LRRC49: variants seen among roughly 807,000 people sequenced by gnomAD.
The protein encoded by LRRC49 is leucine-rich repeat-containing protein 49.
Under a neutral mutation model 83.3 loss-of-function variants are expected in LRRC49, and 50 were observed. The ratio of observed to expected loss-of-function variants is 0.60; its 90% CI spans 0.48 to 0.76. LRRC49 has a LOEUF of 0.76. LRRC49 is among the 30% of genes least tolerant of loss of function. LRRC49 has a pLI of 0.00. For missense variants in LRRC49, 704 were observed against 809.1 expected (o/e 0.87, Z 1.58); for synonymous variants, 286 against 283.3 (o/e 1.01, Z -0.10).
At chr15:70,970,980 C>T (rs2036974712) in intron 9 of LRRC49, among the ~76,000 whole-genome samples, 1 of 151,846 alleles carries the variant, frequency 6.6e-6, no homozygotes, top group African/African-American at 2.4e-5. Context: ...GTTCTCTATC[C>T]CCTTCAGTTC....
intron 8 of LRRC49, among the ~76,000 whole-genome samples, chr15:70,940,551 A>AT (rs34146863): frequency 6.6e-6 from 1 of 152,112 alleles, no homozygotes; most frequent in African/African-American, 2.4e-5. Flanking sequence ...CTATATGGAT[A>AT]TTTTTTATGA....
intron 3 of LRRC49, among the ~76,000 whole-genome samples, chr15:70,896,910 G>A (rs913287790): frequency 6.6e-6 from 1 of 152,020 alleles, no homozygotes; most frequent in Non-Finnish European, 1.5e-5. Context: ...TGGACATGAC[G>A]TCAGCCTAAC....
intron 14 of LRRC49, among the ~76,000 whole-genome samples, chr15:71,035,020 C>A (rs1271013545): frequency 2.0e-5 from 3 of 151,984 alleles, no homozygotes; most frequent in Admixed American, 2.0e-4. Flanking sequence ...AGCTGCACAT[C>A]CTGCACAGGT....
intron 9 of LRRC49, among the ~76,000 whole-genome samples, chr15:70,977,091 G>T (rs748444235): frequency 6.6e-6 from 1 of 151,978 alleles, no homozygotes; most frequent in Non-Finnish European, 1.5e-5. Context: ...TTTGAAATTG[G>T]CTCTTTGAAA....
At chr15:70,962,760 A>T (rs1236373951) in intron 8 of LRRC49, among the ~76,000 whole-genome samples, 1 of 152,178 alleles carries the variant, frequency 6.6e-6, no homozygotes, top group Admixed American at 6.5e-5. Flanking sequence ...ATAAATATCC[A>T]TGAGTTCAGA....
chr15:70,883,543 A>T (rs1273212779), intron 2 of LRRC49, among the ~76,000 whole-genome samples: 1 of 152,114 alleles, frequency 6.6e-6, no homozygotes, highest in African/African-American at 2.4e-5. Flanking sequence ...CAGTCATATT[A>T]TTCTAGAAAA....
intron 14 of LRRC49, among the ~76,000 whole-genome samples, chr15:71,022,250 G>A (rs947951846): frequency 1.3e-5 from 2 of 152,106 alleles, no homozygotes; most frequent in African/African-American, 4.8e-5. Flanking sequence ...GAACGTGCCT[G>A]TAATCCCAGC....
intron 14 of LRRC49, among the ~76,000 whole-genome samples, chr15:71,024,586 A>C (rs1166857035): frequency 5.9e-5 from 9 of 152,146 alleles, no homozygotes; most frequent in African/African-American, 1.9e-4. Flanking sequence ...AAGTCCCCAT[A>C]AGAACCCCAT....
At chr15:70,879,706 G>A (rs2033224482) in intron 2 of LRRC49, among the ~76,000 whole-genome samples, 1 of 152,042 alleles carries the variant, frequency 6.6e-6, no homozygotes, top group Non-Finnish European at 1.5e-5. Context: ...TTTCACTCTG[G>A]CAGCACTGAA....
intron 9 of LRRC49, among the ~76,000 whole-genome samples, chr15:70,975,461 G>A (rs1019179610): frequency 6.6e-6 from 1 of 152,154 alleles, no homozygotes; most frequent in Admixed American, 6.5e-5. Context: ...GGGAGGCCAA[G>A]GTGGGCAGAT....
intron 2 of LRRC49, among the ~76,000 whole-genome samples, chr15:70,895,155 T>A (rs1314593315): frequency 6.6e-6 from 1 of 152,182 alleles, no homozygotes; most frequent in African/African-American, 2.4e-5. Flanking sequence ...ATTAGAAGTA[T>A]CTTAATTAAT....
At chr15:70,974,720 T>TAAA (rs1343976655) in intron 9 of LRRC49, among the ~76,000 whole-genome samples, 2 of 129,156 alleles carry the variant, frequency 1.5e-5, no homozygotes, top group East Asian at 2.2e-4. Flanking sequence ...CAAAGCATTG[T>TAAA]AAAAAAAAAA....
At chr15:71,031,948 A>C (rs575905740) in intron 14 of LRRC49, among the ~76,000 whole-genome samples, 104 of 152,300 alleles carry the variant, frequency 6.8e-4, no homozygotes, top group Middle Eastern at 3.4e-3. Context: ...AGTGGGACCC[A>C]CTGAGTGAGA....
At position 71,016,937 on chromosome 15, in the gene LRRC49, C is replaced by A. The variant is rs2038846492; in HGVS notation, c.1703+4024C>A. On this transcript the variant is annotated intron_variant, in intron 14 of 15. Transcript: ENST00000260382. Reference sequence around the variant, plus strand: ...CCTGGGCAACATGGCAAGACTCCATCTCTACAAAAAATACAAAGACTAACC... The same window carrying A: ...CCTGGGCAACATGGCAAGACTCCATATCTACAAAAAATACAAAGACTAACC... 2.6e-5 allele frequency among the ~76,000 whole-genome samples: 4 copies of A among 152,006 alleles called. No individual in the cohort carries two copies. The South Asian group carries it at 6.2e-4, about 24-fold the overall frequency.
chr15:71,026,328 T>G (rs2039171286), intron 14 of LRRC49, among the ~76,000 whole-genome samples: 1 of 152,208 alleles, frequency 6.6e-6, no homozygotes, highest in South Asian at 2.1e-4. Context: ...GATGGGCATT[T>G]GGGTTGGTTC....
intron 11 of LRRC49, among the ~76,000 whole-genome samples, chr15:70,986,110 G>A (rs1268977731): frequency 4.0e-5 from 6 of 150,268 alleles, no homozygotes; most frequent in South Asian, 2.1e-4. Flanking sequence ...TTGACTTGGC[G>A]ATGTGGGCTC....
At chr15:71,046,727 G>C (rs893462316) in intron 15 of LRRC49, among the ~76,000 whole-genome samples, 3 of 152,030 alleles carry the variant, frequency 2.0e-5, no homozygotes. Context: ...GTCTATTTTT[G>C]TTTTTGTTGC....
chr15:70,922,929 CTTTTA>C (rs1567053925), intron 7 of LRRC49, among the ~76,000 whole-genome samples: 3 of 151,898 alleles, frequency 2.0e-5, no homozygotes, highest in African/African-American at 4.8e-5. Flanking sequence ...TTGTATATAT[CTTTTA>C]TTTTATCTGT....
At chr15:70,893,027 T>C in intron 1 of LRRC49, 85 bp downstream of exon 1, 1 of 1,464,544 alleles carries the variant, frequency 6.8e-7, no homozygotes, top group Non-Finnish European at 9.6e-7. Flanking sequence ...GGCTGTATTA[T>C]TAGGACCGGC....
Sources: allele counts gnomAD v4.1 joint callset (sites outside exome capture counted in the v4.1 genomes callset), GRCh38; gene constraint gnomAD v4.1.1; transcripts MANE v1.5; gene names NCBI Gene and HGNC (gene_info 2026-07-23, HGNC 2026-07-21).